Variants in NPR3 observed in about 807,000 individuals in gnomAD.
The protein encoded by NPR3 is atrial natriuretic peptide receptor 3.
In NPR3, 34 loss-of-function variants were observed where a neutral mutation model predicts 54.5. That is an observed-to-expected ratio of 0.62 (90% confidence interval 0.47 to 0.83). The LOEUF is 0.83. NPR3 is among the 40% of genes least tolerant of loss of function. The pLI, the probability that NPR3 is intolerant of heterozygous loss-of-function variation, is 0.00. For synonymous variants in NPR3, 289 were observed against 297.1 expected, an observed-to-expected ratio of 0.97 and a Z score of 0.28; for missense variants, 674 against 720.8, an observed-to-expected ratio of 0.94 and a Z score of 0.74.
chr5:32,764,283 A>G (rs1276571581), intron 3 of NPR3, among the ~76,000 whole-genome samples: 1 of 151,380 alleles, frequency 6.6e-6, no homozygotes, highest in East Asian at 1.9e-4. Flanking sequence ...ATCAGCTCTC[A>G]CCTATCTCTT....
intron 3 of NPR3, among the ~76,000 whole-genome samples, chr5:32,750,084 C>A (rs2111978854): frequency 6.6e-6 from 1 of 152,290 alleles, no homozygotes; most frequent in East Asian, 1.9e-4. Flanking sequence ...CTTCTGTGTA[C>A]ACTTTGGTTG....
At chr5:32,731,764 A>G (rs996811457) in intron 2 of NPR3, among the ~76,000 whole-genome samples, 3 of 152,146 alleles carry the variant, frequency 2.0e-5, no homozygotes. Flanking sequence ...TGCATTAGGA[A>G]TTGCATCTTC....
intron 6 of NPR3, among the ~76,000 whole-genome samples, chr5:32,784,429 T>A (rs1239238047): frequency 6.6e-6 from 1 of 152,180 alleles, no homozygotes; most frequent in African/African-American, 2.4e-5. Flanking sequence ...CCTCAGGTGA[T>A]CCACCCACCT....
chr5:32,711,857 T>C lies in NPR3; in HGVS notation c.81T>C (p.Gly27=). The change falls in exon 1 of 8, where the codon GGT becomes GGC. Residue 27 remains glycine (G), a synonymous_variant. Coordinates refer to ENST00000265074, the MANE Select transcript of NPR3 (RefSeq NM_001204375.2). ...TGCTGGCCGGCGGCACCGGTGGCGG[T>C]GGCGTTGGCGGCGGCGGCGGTGGCG... ...WALLAGGTGG[G]GVGGGGGGAG... is the part of the protein sequence containing the mutation. The C allele has an allele frequency of 6.8e-7, 1 of 1,461,442 alleles. No homozygotes were observed. Among genetic ancestry groups the C allele is most frequent in the Non-Finnish European group, 9.0e-7 (1 of 1,108,956 alleles). The allele number at this position is 1,461,442 out of a possible 1,614,324, so 90.5% of individuals were successfully genotyped here. A position where few individuals can be genotyped will look rare whatever the true frequency, so the allele number is the denominator to read the frequency against.
intron 1 of NPR3, among the ~76,000 whole-genome samples, chr5:32,712,956 C>A (rs1203118143): frequency 1.1e-4 from 17 of 152,162 alleles, no homozygotes; most frequent in Admixed American, 1.1e-3. Context: ...CCTTTGCCAG[C>A]GTGCGCCCCC....
intron 1 of NPR3, among the ~76,000 whole-genome samples, chr5:32,697,505 A>G (rs528524388): frequency 6.6e-6 from 1 of 151,586 alleles, no homozygotes; most frequent in Non-Finnish European, 1.5e-5. Context: ...CTGGCTGCAT[A>G]GAGTGAGTTT....
Position 32,724,784 on chromosome 5 carries a change from TTCTTCAACATTGAGC to T in NPR3, c.866_880del (p.Ile289_Asn293del). On this transcript the variant is annotated inframe_deletion, in exon 2 of 8. Coordinates refer to ENST00000265074, the MANE Select transcript of NPR3 (RefSeq NM_001204375.2). Reference sequence around the variant, plus strand: ...TGGCATGACCAGTGGAGACTACGCCTTCTTCAACATTGAGCTCTTCAACAGCTCTTCCTATGGTAA... The same window carrying T: ...TGGCATGACCAGTGGAGACTACGCCTTCTTCAACAGCTCTTCCTATGGTAA... 1 of 1,613,978 alleles carries T rather than the reference TTCTTCAACATTGAGC, an allele frequency of 6.2e-7. No individual in the cohort carries two copies. Among genetic ancestry groups the T allele is most frequent in the Non-Finnish European group, 8.5e-7 (1 of 1,179,880 alleles).
chr5:32,767,927 C>G (rs1371636510), intron 3 of NPR3, among the ~76,000 whole-genome samples: 1 of 152,168 alleles, frequency 6.6e-6, no homozygotes, highest in Non-Finnish European at 1.5e-5. Context: ...TTTGGACGAT[C>G]AGAAGTAATG....
intron 1 of NPR3, among the ~76,000 whole-genome samples, chr5:32,702,404 C>A (rs1341148291): frequency 2.0e-5 from 2 of 99,986 alleles, no homozygotes; most frequent in African/African-American, 3.8e-5. Context: ...TGCTATCCCT[C>A]CCCCCTCCCC....
chr5:32,731,150 CTG>C (rs1739429211), intron 2 of NPR3, among the ~76,000 whole-genome samples: 1 of 152,166 alleles, frequency 6.6e-6, no homozygotes, highest in African/African-American at 2.4e-5. Flanking sequence ...TGACTTATTG[CTG>C]GTGATGTTTG....
chr5:32,740,743 C>T (rs532942911), intron 3 of NPR3, among the ~76,000 whole-genome samples: 1 of 152,086 alleles, frequency 6.6e-6, no homozygotes, highest in South Asian at 2.1e-4. Flanking sequence ...TCTTGGAAAT[C>T]CAGTGTGATT....
At chr5:32,746,045 T>A (rs1247174297) in intron 3 of NPR3, among the ~76,000 whole-genome samples, 5 of 152,148 alleles carry the variant, frequency 3.3e-5, no homozygotes, top group African/African-American at 1.2e-4. Flanking sequence ...AACATATACC[T>A]TAGTGTAAAG....
intron 1 of NPR3, among the ~76,000 whole-genome samples, chr5:32,723,329 G>A (rs998933666): frequency 1.2e-4 from 18 of 152,318 alleles, no homozygotes; most frequent in African/African-American, 4.3e-4. Flanking sequence ...AGGCTGTGTA[G>A]CCCTTATGTG....
At chr5:32,732,642 G>T (rs1459774067) in intron 2 of NPR3, among the ~76,000 whole-genome samples, 1 of 152,092 alleles carries the variant, frequency 6.6e-6, no homozygotes, top group Non-Finnish European at 1.5e-5. Context: ...CACATGGTGG[G>T]CAGAGTGACC....
intron 4 of NPR3, 53 bp from the exon 5 acceptor site, chr5:32,780,669 G>T (rs928251727): frequency 9.7e-6 from 8 of 822,886 alleles, no homozygotes; most frequent in Non-Finnish European, 1.7e-5. Context: ...TTTGTTGGCA[G>T]ACAGAGGTAT....
In NPR3 at chr5:32,790,308, G is replaced by A. The variant is rs1025610738; in HGVS notation, c.*3963G>A. 9 of 165,382 alleles carry A rather than the reference G, an allele frequency of 5.4e-5. No individual in the cohort carries two copies. Among genetic ancestry groups the A allele is most frequent in the African/African-American group, 2.4e-4 (9 of 38,076 alleles). 10.2% of individuals were successfully genotyped at this position (165,382 alleles called of 1,614,324 possible). Reference sequence around the variant, plus strand: ...TGATCCTCTAACAGAAATAGAAGAGGGTAGCTTTGCCCATTGCCACTGTCT... The same window carrying A: ...TGATCCTCTAACAGAAATAGAAGAGAGTAGCTTTGCCCATTGCCACTGTCT... On this transcript the variant is annotated 3_prime_UTR_variant, in exon 8 of 8. Coordinates refer to ENST00000265074, the MANE Select transcript of NPR3 (RefSeq NM_001204375.2).
chr5:32,749,050 C>T (rs919821982), intron 3 of NPR3, among the ~76,000 whole-genome samples: 3 of 152,062 alleles, frequency 2.0e-5, no homozygotes, highest in African/African-American at 7.2e-5. Context: ...AAGATAGCAC[C>T]TTGACTTGTT....
At position 32,714,056 on chromosome 5, in the gene NPR3, G is replaced by C. The variant is rs535358760; in HGVS notation, c.769+1511G>C. 1.6e-4 allele frequency among the ~76,000 whole-genome samples: 24 copies of C among 152,380 alleles called. No homozygotes were observed. The South Asian group carries it at 5.0e-3, about 32-fold the overall frequency. ...AAGTCCCAGTCGCCAGGTTACTGCA[G>C]CCTCCACGGGGGTGTCTGCGCCCCG... On this transcript the variant is annotated intron_variant, in intron 1 of 7. Coordinates refer to ENST00000265074, the MANE Select transcript of NPR3 (RefSeq NM_001204375.2).
chr5:32,710,779 G>A (rs1213805457), upstream of NPR3: 1 of 1,543,306 alleles, frequency 6.5e-7, no homozygotes, highest in East Asian at 2.5e-5. Context: ...GCCAGAACGA[G>A]AAAGGTGAGA....
Sources: gnomAD v4.1 joint callset for allele counts (sites outside exome capture counted in the v4.1 genomes callset) on GRCh38, gnomAD v4.1.1 for gene constraint, MANE v1.5 for transcripts, NCBI Gene and HGNC (gene_info 2026-07-23, HGNC 2026-07-21) for gene names.